The following RHPN2 variants were observed in gnomAD, a reference collection of about 807,000 sequenced individuals.
RHPN2 encodes the protein rhophilin Rho GTPase binding protein 2, also known as rhophilin-2.
Under a neutral mutation model 79.0 loss-of-function variants are expected in RHPN2, and 40 were observed. The observed-to-expected ratio is 0.51, with a 90% CI of 0.39 to 0.66. The LOEUF (loss-of-function observed/expected upper bound fraction) is 0.66, where lower values mean the gene tolerates loss of function less well. Among genes scored for constraint, RHPN2 ranks in the 30% least tolerant of loss-of-function variants. RHPN2 has a pLI of 0.00. For missense variants in RHPN2, 686 were observed against 883.5 expected (o/e 0.78, Z 2.83); for synonymous variants, 285 against 363.5 (o/e 0.78, Z 2.46).
chr19:33,059,543 G>A (rs908907012), intron 1 of RHPN2, among the ~76,000 whole-genome samples: 2 of 151,890 alleles, frequency 1.3e-5, no homozygotes, highest in East Asian at 1.9e-4. Context: ...CAGGTGATCC[G>A]CCTGCCTCGG....
At chr19:32,994,221 C>A (rs1352627114) in intron 11 of RHPN2, among the ~76,000 whole-genome samples, 168 bp from the exon 12 acceptor site, 3 of 152,034 alleles carry the variant, frequency 2.0e-5, no homozygotes, top group Admixed American at 6.6e-5. Flanking sequence ...CATGGTGAAA[C>A]CCCATCTCTA....
chr19:33,048,598 C>T lies in RHPN2; in HGVS notation c.70-4234G>A, dbSNP rs28706412. Among the ~76,000 whole-genome samples, 1,369 of 150,944 alleles carry T rather than the reference C, an allele frequency of 9.1e-3. 28 individuals carry two copies. Among genetic ancestry groups the T allele is most frequent in the African/African-American group, 0.032 (1,310 of 41,196 alleles). The stretch of plus-strand genomic sequence containing the variant: ...AAAATTAGCTGGGCGTAGTGGCATG[C>T]GCCTATAATCCCAGCTACTCTGGAG... On this transcript the variant is annotated intron_variant, in intron 1 of 14. Transcript: ENST00000254260.
chr19:33,012,783 A>AT, intron 4 of RHPN2, 59 bp from the exon 5 acceptor site: 1 of 932,242 alleles, frequency 1.1e-6, no homozygotes, highest in Middle Eastern at 2.1e-4. Flanking sequence ...ATGTGTGCAT[A>AT]ATAGTAATAT....
At chr19:33,041,640 C>A (rs1337667596) in intron 2 of RHPN2, among the ~76,000 whole-genome samples, 1 of 152,178 alleles carries the variant, frequency 6.6e-6, no homozygotes, top group African/African-American at 2.4e-5. Flanking sequence ...TGCCCTAGTT[C>A]CTGCCTGAGA....
At chr19:33,026,760 G>A (rs753046866) in intron 2 of RHPN2, 128 bp from the exon 3 acceptor site, 21 of 1,109,932 alleles carry the variant, frequency 1.9e-5, no homozygotes, top group South Asian at 1.3e-4. Context: ...CAGGAGTGTC[G>A]GTTAAGGTAT....
chr19:33,048,577 T>C (rs900227418), intron 1 of RHPN2, among the ~76,000 whole-genome samples: 13 of 150,746 alleles, frequency 8.6e-5, no homozygotes, highest in African/African-American at 4.9e-5. Flanking sequence ...AATATAAAAA[T>C]TAGCTGGGCG....
rs893699529 is a variant in RHPN2 at position 32,980,064 on chromosome 19, G to A, written c.1993C>T (p.Arg665Trp). 5 of 1,613,842 alleles carry A rather than the reference G, an allele frequency of 3.1e-6. No homozygotes were observed. Among genetic ancestry groups the A allele is most frequent in the African/African-American group, 2.7e-5 (2 of 75,034 alleles). ...TLCLPSVGAA[R>W]PQVKKKLPSP... ...GGCAGCTTCTTCTTGACCTGAGGCC[G>A]TGCAGCCCCGACCGATGGGAGGCAC... is the stretch of plus-strand genomic sequence containing the variant. The change falls in exon 15 of 15, where the codon CGG becomes TGG. Residue 665 changes from arginine to tryptophan, a missense_variant. By Grantham distance (101) the Arg-to-Trp change is moderately radical. Coordinates refer to ENST00000254260, the MANE Select transcript of RHPN2 (RefSeq NM_033103.5).
At chr19:33,011,901 C>G in intron 5 of RHPN2, 98 bp from the exon 6 acceptor site, 1 of 1,514,644 alleles carries the variant, frequency 6.6e-7, no homozygotes, top group South Asian at 1.1e-5. Context: ...GTGCCTGTAA[C>G]TATTTCTGCA....
chr19:32,999,116 A>G (rs1256854441), intron 10 of RHPN2, among the ~76,000 whole-genome samples: 4 of 151,916 alleles, frequency 2.6e-5, no homozygotes, highest in Non-Finnish European at 5.9e-5. Context: ...GAGACGGAGA[A>G]GCTGCGTATG....
At chr19:33,044,664 G>A (rs890946591) in intron 1 of RHPN2, among the ~76,000 whole-genome samples, 13 of 152,112 alleles carry the variant, frequency 8.5e-5, no homozygotes, top group Admixed American at 5.9e-4. Context: ...AGGCCAAGGC[G>A]GGTGGATCAC....
At chr19:33,022,790 G>A (rs1971935294) in intron 3 of RHPN2, among the ~76,000 whole-genome samples, 1 of 152,172 alleles carries the variant, frequency 6.6e-6, no homozygotes, top group African/African-American at 2.4e-5. Context: ...GCAGGGCGAG[G>A]GGACAATGCA....
At chr19:33,037,090 C>A (rs1261575646) in intron 2 of RHPN2, among the ~76,000 whole-genome samples, 1 of 152,198 alleles carries the variant, frequency 6.6e-6, no homozygotes, top group East Asian at 1.9e-4. Flanking sequence ...CGTGGAGAAC[C>A]TTTATGTCTA....
chr19:33,036,020 G>A (rs530798124), intron 2 of RHPN2, among the ~76,000 whole-genome samples: 1 of 151,828 alleles, frequency 6.6e-6, no homozygotes, highest in African/African-American at 2.4e-5. Context: ...GGCAAGCTGA[G>A]GCAGGAGAAT....
At chr19:33,048,212 C>T (rs1340668545) in intron 1 of RHPN2, among the ~76,000 whole-genome samples, 2 of 151,698 alleles carry the variant, frequency 1.3e-5, no homozygotes, top group African/African-American at 4.8e-5. Flanking sequence ...CCCACCACCA[C>T]ACCCAGCTAA....
At chr19:33,051,057 T>A (rs965390937) in intron 1 of RHPN2, among the ~76,000 whole-genome samples, 1 of 151,104 alleles carries the variant, frequency 6.6e-6, no homozygotes, top group Non-Finnish European at 1.5e-5. Context: ...AGTGGCATGA[T>A]CTCAACTCAC....
At chr19:33,051,902 A>G (rs1972191511) in intron 1 of RHPN2, among the ~76,000 whole-genome samples, 2 of 151,110 alleles carry the variant, frequency 1.3e-5, no homozygotes. Context: ...GTGTGTCTAT[A>G]GTCCCAGCTA....
rs564989101 is a variant in RHPN2, at chr19:33,058,796, C to G, written c.69+5988G>C. 6.1e-4 allele frequency among the ~76,000 whole-genome samples: 92 copies of G among 151,394 alleles called. 1 individual carries two copies. The highest frequency in any genetic ancestry group is 7.0e-3 in the Middle Eastern group (2 of 284). On this transcript the variant is annotated intron_variant, in intron 1 of 14. Coordinates refer to ENST00000254260, the MANE Select transcript of RHPN2 (RefSeq NM_033103.5). ...TCCGTCTCAATAACAACAAAGAAATCCCAATAGTCAAAATACAGGTCCAGG... is the reference window on the plus strand; with the variant it reads ...TCCGTCTCAATAACAACAAAGAAATGCCAATAGTCAAAATACAGGTCCAGG...
intron 1 of RHPN2, among the ~76,000 whole-genome samples, chr19:33,047,399 G>T (rs555784257): frequency 4.6e-5 from 7 of 152,078 alleles, no homozygotes; most frequent in Non-Finnish European, 7.4e-5. Context: ...AACGCTTCAC[G>T]CTAAAAGTTT....
intron 1 of RHPN2, among the ~76,000 whole-genome samples, chr19:33,047,274 T>C (rs1972149524): frequency 6.6e-6 from 1 of 152,248 alleles, no homozygotes; most frequent in Non-Finnish European, 1.5e-5. Flanking sequence ...CTAATTTGTA[T>C]GTTTATTATA....
Sources: allele counts gnomAD v4.1 joint callset (sites outside exome capture counted in the v4.1 genomes callset), GRCh38; gene constraint gnomAD v4.1.1; transcripts MANE v1.5; gene names NCBI Gene and HGNC (gene_info 2026-07-23, HGNC 2026-07-21).